CPEB3: variants seen among roughly 807,000 people sequenced by gnomAD.
The protein encoded by CPEB3 is cytoplasmic polyadenylation element binding protein 3, also known as cytoplasmic polyadenylation element-binding protein 3.
Under a neutral mutation model 67.2 loss-of-function variants are expected in CPEB3, and 20 were observed. The observed-to-expected ratio is 0.30, with a 90% CI of 0.21 to 0.43. The LOEUF (loss-of-function observed/expected upper bound fraction) is 0.43, where lower values mean the gene tolerates loss of function less well. Among genes scored for constraint, CPEB3 ranks in the 20% least tolerant of loss-of-function variants. CPEB3 has a pLI of 1.00. For missense variants in CPEB3, 746 were observed against 968.6 expected, an observed-to-expected ratio of 0.77 and a Z score of 3.05; for synonymous variants, 376 against 393.1, an observed-to-expected ratio of 0.96 and a Z score of 0.51.
At chr10:92,279,121 A>G (rs1364294119) in intron 1 of CPEB3, among the ~76,000 whole-genome samples, 2 of 152,162 alleles carry the variant, frequency 1.3e-5, no homozygotes, top group Non-Finnish European at 2.9e-5. Context: ...GTTCCTGATC[A>G]TAGGGGGAAA....
chr10:92,242,195 C>G, intron 1 of CPEB3, among the ~76,000 whole-genome samples: 1 of 152,236 alleles, frequency 6.6e-6, no homozygotes, highest in South Asian at 2.1e-4. Context: ...GGAAATGCTT[C>G]GCAGCCACCT....
rs556316025 is a variant in CPEB3, at chr10:92,139,564, G to A, written c.1453+3465C>T. Reference sequence around the variant, plus strand: ...AGGTGGGGGTGGGTGGGTAAAAGTGGGCATGGTTAATAGGTACAAAAACAT... The same window carrying A: ...AGGTGGGGGTGGGTGGGTAAAAGTGAGCATGGTTAATAGGTACAAAAACAT... On this transcript the variant is annotated intron_variant, in intron 6 of 9. Coordinates refer to ENST00000265997, the MANE Select transcript of CPEB3 (RefSeq NM_014912.5). Among the ~76,000 whole-genome samples, 239 of 152,016 alleles carry A rather than the reference G, an allele frequency of 1.6e-3. 1 individual carries two copies. The highest frequency in any genetic ancestry group is 2.4e-3 in the Non-Finnish European group (162 of 67,998).
intron 7 of CPEB3, among the ~76,000 whole-genome samples, chr10:92,109,477 C>T (rs1224178248): frequency 6.6e-6 from 1 of 152,106 alleles, no homozygotes; most frequent in Non-Finnish European, 1.5e-5. Flanking sequence ...TGGTCTTGAT[C>T]TCCTGACCTC....
chr10:92,080,231 G>A (rs1172362004), intron 9 of CPEB3, among the ~76,000 whole-genome samples: 1 of 151,616 alleles, frequency 6.6e-6, no homozygotes, highest in Non-Finnish European at 1.5e-5. Context: ...AAGACTTGGT[G>A]CTATTCTCCT....
chr10:92,199,603 G>A (rs1399747177), intron 2 of CPEB3, among the ~76,000 whole-genome samples: 1 of 141,348 alleles, frequency 7.1e-6, no homozygotes, highest in African/African-American at 2.7e-5. Flanking sequence ...AGAATCGCTT[G>A]AACCTGGGAG....
chr10:92,258,476 TTAAA>T (rs1008448667), intron 1 of CPEB3, among the ~76,000 whole-genome samples: 3 of 151,628 alleles, frequency 2.0e-5, no homozygotes, highest in Non-Finnish European at 4.4e-5. Flanking sequence ...TGCAGATAAA[TTAAA>T]TACTTATAGC....
At chr10:92,109,578 G>A (rs1844635078) in intron 7 of CPEB3, among the ~76,000 whole-genome samples, 2 of 152,044 alleles carry the variant, frequency 1.3e-5, no homozygotes, top group African/African-American at 2.4e-5. Flanking sequence ...TGTGTGTGGA[G>A]GGGGACTTGT....
chr10:92,239,274 G>C lies in CPEB3; in HGVS notation c.1005+72C>G. On this transcript the variant is annotated intron_variant, in intron 2 of 9. Transcript: ENST00000265997. This position sits in a 1 kb window ranked among gnomAD's most constrained non-coding sequence, Gnocchi z 6.0. ...CCTTTTTAAATATAAGCGGGTGGATGATTAAAAGTCAGAGAAGTGGCAAAA... is the reference window on the plus strand; with the variant it reads ...CCTTTTTAAATATAAGCGGGTGGATCATTAAAAGTCAGAGAAGTGGCAAAA... 1.3e-6 allele frequency: 2 copies of C among 1,498,970 alleles called. No homozygotes were observed. The highest frequency in any genetic ancestry group is 4.0e-5 in the Admixed American group (2 of 50,372). 92.9% of individuals were successfully genotyped at this position (1,498,970 alleles called of 1,614,324 possible). A position where few individuals can be genotyped will look rare whatever the true frequency, so the allele number is the denominator to read the frequency against.
At chr10:92,058,752 C>T (rs1338223840) in intron 9 of CPEB3, among the ~76,000 whole-genome samples, 1 of 151,754 alleles carries the variant, frequency 6.6e-6, no homozygotes, top group Non-Finnish European at 1.5e-5. Context: ...ATCTTCTAGA[C>T]CAAAAATCAA....
chr10:92,280,103 G>A (rs1048776688), intron 1 of CPEB3, among the ~76,000 whole-genome samples: 1 of 152,036 alleles, frequency 6.6e-6, no homozygotes, highest in Non-Finnish European at 1.5e-5. Context: ...TGCACTTTGG[G>A]AGGCCAAGGC....
At chr10:92,125,744 A>G (rs185486462) in intron 6 of CPEB3, among the ~76,000 whole-genome samples, 10 of 151,252 alleles carry the variant, frequency 6.6e-5, no homozygotes, top group South Asian at 4.2e-4. Context: ...TTTTTAAGAC[A>G]GGGTCTCACT....
At chr10:92,104,785 A>T (rs936751659) in intron 7 of CPEB3, among the ~76,000 whole-genome samples, 2 of 152,112 alleles carry the variant, frequency 1.3e-5, no homozygotes, top group African/African-American at 4.8e-5. Context: ...TCAGACACCC[A>T]GGGCAAAAAA....
Position 92,203,510 on chromosome 10 carries a change from A to G in CPEB3, c.1006-10874T>C, listed in dbSNP as rs368237617. On this transcript the variant is annotated intron_variant, in intron 2 of 9. Coordinates refer to ENST00000265997, the MANE Select transcript of CPEB3 (RefSeq NM_014912.5). The stretch of plus-strand genomic sequence containing the variant: ...TATATGTGTATATATATGTGTGTGT[A>G]TATATATATATATATATATTTTTTT... Among the ~76,000 whole-genome samples the G allele has an allele frequency of 2.3e-3, 233 of 101,732 alleles. 2 individuals carry two copies. Among genetic ancestry groups the G allele is most frequent in the South Asian group, 7.9e-3 (33 of 4,184 alleles). 66.7% of individuals were successfully genotyped at this position (101,732 alleles called of 152,430 possible). A position where few individuals can be genotyped will look rare whatever the true frequency, so the allele number is the denominator to read the frequency against.
In CPEB3 at chr10:92,260,938, C is replaced by T. The variant is rs977747557; in HGVS notation, c.-11-20577G>A. ...GACTGTTTTTAAGATGATTATTCAT[C>T]GAAAGTACTAATTTTAGTCTTCAGA... is the stretch of plus-strand genomic sequence containing the variant. On this transcript the variant is annotated intron_variant, in intron 1 of 9. Transcript: ENST00000265997. Among the ~76,000 whole-genome samples, 6 of 152,022 alleles carry T rather than the reference C, an allele frequency of 3.9e-5. No homozygotes were observed. The East Asian group carries it at 5.8e-4, about 15-fold the overall frequency.
chr10:92,066,773 G>A (rs994731927), intron 9 of CPEB3, among the ~76,000 whole-genome samples: 17 of 152,142 alleles, frequency 1.1e-4, no homozygotes, highest in Admixed American at 7.9e-4. Context: ...GGCTGGGCGC[G>A]ATAGCTCACA....
intron 1 of CPEB3, among the ~76,000 whole-genome samples, chr10:92,240,974 T>G (rs1354229485): frequency 9.2e-5 from 14 of 152,152 alleles, no homozygotes; most frequent in Admixed American, 9.2e-4. Context: ...TCCTTGGCAT[T>G]TGTTAGAAGG....
Position 92,052,014 on chromosome 10 carries a change from C to T in CPEB3, c.*198G>A. 1 of 548,268 alleles carries T rather than the reference C, an allele frequency of 1.8e-6. No individual in the cohort carries two copies. Among genetic ancestry groups the T allele is most frequent in the Admixed American group, 3.1e-5 (1 of 32,124 alleles). 34.0% of individuals were successfully genotyped at this position (548,268 alleles called of 1,614,324 possible). On this transcript the variant is annotated 3_prime_UTR_variant, in exon 10 of 10. Transcript: ENST00000265997. ...CAAATCAGTACCATTCTACACTCTG[C>T]AATTCTGCATTATACTGGACACTGA...
Position 92,091,947 on chromosome 10 carries a change from G to GAA in CPEB3, c.1573-5_1573-4dup. ...AGGTTCCATGGTCGAATTTGCACCT[G>GAA]AAAAAAAGTTGTTTACTTGGTCCTT... is the stretch of plus-strand genomic sequence containing the variant. On this transcript the variant is annotated splice_region_variant and splice_polypyrimidine_tract_variant and intron_variant, in intron 7 of 9. Transcript: ENST00000265997. 1 of 1,596,130 alleles carries GAA rather than the reference G, an allele frequency of 6.3e-7. No homozygotes were observed. The highest frequency in any genetic ancestry group is 8.6e-7 in the Non-Finnish European group (1 of 1,165,524).
intron 1 of CPEB3, among the ~76,000 whole-genome samples, chr10:92,252,945 AC>A (rs1852361502): frequency 6.6e-6 from 1 of 151,388 alleles, no homozygotes; most frequent in Non-Finnish European, 1.5e-5. Flanking sequence ...TTTTTTTGAG[AC>A]AGGGTCTCGC....
Sources: allele counts gnomAD v4.1 joint callset (sites outside exome capture counted in the v4.1 genomes callset), GRCh38; gene constraint gnomAD v4.1.1; non-coding constraint Gnocchi (gnomAD v3.1); transcripts MANE v1.5; gene names NCBI Gene and HGNC (gene_info 2026-07-23, HGNC 2026-07-21).